Variants in KCNG2 observed in about 807,000 individuals in gnomAD.
The protein encoded by KCNG2 is potassium voltage-gated channel modifier subfamily G member 2, also known as voltage-gated potassium channel regulatory subunit KCNG2.
In KCNG2, 7 loss-of-function variants were observed where a neutral mutation model predicts 12.3. The observed-to-expected ratio is 0.57, with a 90% confidence interval of 0.32 to 1.07. The LOEUF (loss-of-function observed/expected upper bound fraction) is 1.07, where lower values mean the gene tolerates loss of function less well. Ranked by LOEUF, KCNG2 falls within the 50% of genes least tolerant of loss-of-function variation. The pLI, the probability that KCNG2 is intolerant of heterozygous loss-of-function variation, is 0.04. For missense variants in KCNG2, 703 were observed against 726.0 expected, an observed-to-expected ratio of 0.97 and a Z score of 0.36; for synonymous variants, 414 against 351.4, an observed-to-expected ratio of 1.18 and a Z score of -1.99.
rs1260122732 is a variant in KCNG2 at position 79,864,166 on chromosome 18, G to A, written c.499G>A (p.Val167Met). The part of the protein sequence containing the change: ...QRGRRRLRDV[V>M]DNPHSGLAGK... ...CGGCCGGCGGCGCCTGCGCGACGTG[G>A]TGGACAACCCGCACTCGGGGCTGGC... The change falls in exon 3 of 4, where the codon GTG becomes ATG. Residue 167 changes from valine (V) to methionine (M), a missense_variant. By Grantham distance (21) the Val-to-Met change is conservative (BLOSUM62 1). Coordinates refer to ENST00000316249, the MANE Select transcript of KCNG2 (RefSeq NM_012283.2). 1 of 1,497,020 alleles carries A rather than the reference G, an allele frequency of 6.7e-7. No homozygotes were observed. The highest frequency in any genetic ancestry group is 2.1e-5 in the Admixed American group (1 of 47,408). 92.7% of individuals were successfully genotyped at this position (1,497,020 alleles called of 1,614,324 possible).
rs74372875 is a variant in KCNG2, at chr18:79,877,471, C to T, written c.624+13180C>T. 8.7e-3 allele frequency among the ~76,000 whole-genome samples: 1,326 copies of T among 152,264 alleles called. 28 individuals are homozygous for T. Among genetic ancestry groups the T allele is most frequent in the African/African-American group, 0.029 (1,204 of 41,558 alleles). On this transcript the variant is annotated intron_variant, in intron 3 of 3. Transcript: ENST00000316249. Reference sequence around the variant, plus strand: ...TACACACTAAATAGACCTCAGACCCCAACAGGAAAATCGCGAGCTGCGGGG... The same window carrying T: ...TACACACTAAATAGACCTCAGACCCTAACAGGAAAATCGCGAGCTGCGGGG...
chr18:79,868,079 G>T (rs1422307486), intron 3 of KCNG2, among the ~76,000 whole-genome samples: 4 of 152,196 alleles, frequency 2.6e-5, no homozygotes, highest in African/African-American at 9.7e-5. Context: ...GGAGTGTTTG[G>T]CTGTCCTCGG....
chr18:79,807,843 CCGCG>C (rs2087463400), intron 1 of KCNG2, among the ~76,000 whole-genome samples: 4 of 80,678 alleles, frequency 5.0e-5, no homozygotes, highest in South Asian at 6.2e-4. Context: ...GCTGCCGGGG[CCGCG>C]CTGACCACAC....
chr18:79,889,250 CCTT>C (rs1285737190), intron 3 of KCNG2, among the ~76,000 whole-genome samples: 1 of 152,198 alleles, frequency 6.6e-6, no homozygotes, highest in Non-Finnish European at 1.5e-5. Flanking sequence ...CCCCAAGTCT[CCTT>C]CTAAAGTTCT....
At chr18:79,826,503 GGTT>G (rs1978286134) in intron 1 of KCNG2, among the ~76,000 whole-genome samples, 4 of 149,808 alleles carry the variant, frequency 2.7e-5, no homozygotes, top group African/African-American at 7.3e-5. Flanking sequence ...CCTCACGGAA[GGTT>G]AGATTCGGCG....
At chr18:79,842,673 TA>T (rs1239413752) in intron 1 of KCNG2, among the ~76,000 whole-genome samples, 1 of 151,932 alleles carries the variant, frequency 6.6e-6, no homozygotes, top group Non-Finnish European at 1.5e-5. Flanking sequence ...ATAGAAAGCA[TA>T]AAAAAGACCC....
Position 79,864,255 on chromosome 18 carries a change from G to C in KCNG2, c.588G>C (p.Leu196=). ...CCGTCACGGCCGTGGGCCTCTGCCT[G>C]AGCACCATGCCGGACATCCGCGCCG... ...FVAVTAVGLC[L]STMPDIRAEE... The change falls in exon 3 of 4, where the codon CTG becomes CTC. Residue 196 remains leucine, a synonymous_variant. Coordinates refer to ENST00000316249, the MANE Select transcript of KCNG2 (RefSeq NM_012283.2). The C allele has an allele frequency of 1.9e-6, 3 of 1,548,524 alleles. No homozygotes were observed. Among genetic ancestry groups the C allele is most frequent in the South Asian group, 1.1e-5 (1 of 88,538 alleles).
At chr18:79,860,145 A>G (rs1025826461) in intron 2 of KCNG2, among the ~76,000 whole-genome samples, 2 of 152,222 alleles carry the variant, frequency 1.3e-5, no homozygotes, top group Non-Finnish European at 2.9e-5. Context: ...TTAAACGAAC[A>G]GATCTCATTT....
intron 1 of KCNG2, among the ~76,000 whole-genome samples, chr18:79,848,863 G>A (rs911350728): frequency 2.0e-5 from 3 of 152,208 alleles, no homozygotes; most frequent in African/African-American, 7.2e-5. Context: ...GTGGCCCCGG[G>A]CAGGTGGCCT....
rs145591828 is a variant in KCNG2 at position 79,854,319 on chromosome 18, C to T, written c.-114-2060C>T. On this transcript the variant is annotated intron_variant, in intron 1 of 3. Transcript: ENST00000316249. ...GTCCTGCCTGGACGCCGTCACAACA[C>T]TCACATGCAGAAACACAAGAGCTTT... Among the ~76,000 whole-genome samples the T allele has an allele frequency of 8.8e-4, 134 of 152,334 alleles. 1 individual carries two copies. Among genetic ancestry groups the T allele is most frequent in the African/African-American group, 3.0e-3 (124 of 41,582 alleles).
intron 1 of KCNG2, among the ~76,000 whole-genome samples, chr18:79,816,807 A>G (rs1341386204): frequency 3.9e-5 from 6 of 152,238 alleles, no homozygotes; most frequent in African/African-American, 1.4e-4. Flanking sequence ...TAGCAGAGAA[A>G]GAAACCGGGG....
intron 1 of KCNG2, among the ~76,000 whole-genome samples, chr18:79,846,414 G>GA (rs887236018): frequency 6.2e-5 from 8 of 129,244 alleles, no homozygotes; most frequent in Non-Finnish European, 6.7e-5. Flanking sequence ...CTCTGTCTCA[G>GA]AAAAAAAAAA....
At chr18:79,873,434 C>CCCCCCCCCCCG (rs1979938952) in intron 3 of KCNG2, among the ~76,000 whole-genome samples, 1 of 145,082 alleles carries the variant, frequency 6.9e-6, no homozygotes, top group African/African-American at 2.5e-5. Flanking sequence ...CCTCCCCCCC[C>CCCCCCCCCCCG]CCCAGCCACC....
At chr18:79,859,775 C>T (rs559553259) in intron 2 of KCNG2, among the ~76,000 whole-genome samples, 4 of 152,280 alleles carry the variant, frequency 2.6e-5, no homozygotes, top group East Asian at 3.9e-4. Context: ...AGTGAACTGA[C>T]GGTAGATTTA....
chr18:79,814,573 G>C (rs1599366826), intron 1 of KCNG2, among the ~76,000 whole-genome samples: 2 of 152,220 alleles, frequency 1.3e-5, no homozygotes, highest in East Asian at 3.8e-4. Context: ...GGGGCTGCCA[G>C]GGTTTTACAG....
intron 1 of KCNG2, among the ~76,000 whole-genome samples, chr18:79,855,957 A>G (rs548508035): frequency 2.0e-5 from 3 of 152,204 alleles, no homozygotes; most frequent in East Asian, 3.9e-4. Flanking sequence ...CATTTTTTCT[A>G]TTGAGCTGTG....
At chr18:79,810,049 G>A (rs2087483082) in intron 1 of KCNG2, among the ~76,000 whole-genome samples, 1 of 152,244 alleles carries the variant, frequency 6.6e-6, no homozygotes, top group Non-Finnish European at 1.5e-5. Flanking sequence ...GCTGGGCCTG[G>A]GTGGAAGGGC....
chr18:79,882,837 A>AGCGCGGAGGCCGGGTACG (rs1980362600), intron 3 of KCNG2, among the ~76,000 whole-genome samples: 2 of 133,790 alleles, frequency 1.5e-5, no homozygotes, highest in Non-Finnish European at 3.4e-5. Flanking sequence ...GGCCGGGTAC[A>AGCGCGGAGGCCGGGTACG]CCTGCGCGTG....
Position 79,899,731 on chromosome 18 carries a change from C to A in KCNG2, c.1316C>A (p.Ala439Asp). 6.3e-7 allele frequency: 1 copy of A among 1,596,902 alleles called. No individual in the cohort carries two copies. Among genetic ancestry groups the A allele is most frequent in the Non-Finnish European group, 8.5e-7 (1 of 1,175,042 alleles). Residue 439 changes from alanine (A) to aspartate (D), a missense_variant, in exon 4 of 4, where the codon GCC (alanine) becomes GAC (aspartate). Ala to Asp is a moderately radical substitution (Grantham distance 126). Coordinates refer to ENST00000316249, the MANE Select transcript of KCNG2 (RefSeq NM_012283.2). ...LQEDSTHSAT[A>D]TEDSSQGPDS... ...GAGGACAGCACGCACTCGGCCACAG[C>A]CACCGAGGACAGCTCGCAGGGCCCC...
Sources: gnomAD v4.1 joint callset for allele counts (sites outside exome capture counted in the v4.1 genomes callset) on GRCh38, gnomAD v4.1.1 for gene constraint, MANE v1.5 for transcripts, NCBI Gene and HGNC (gene_info 2026-07-23, HGNC 2026-07-21) for gene names.